FAM135B: variants seen among roughly 807,000 people sequenced by gnomAD.
FAM135B encodes protein FAM135B.
In FAM135B, 43 loss-of-function variants were observed where a neutral mutation model predicts 127.7. The ratio of observed to expected loss-of-function variants is 0.34; its 90% CI spans 0.26 to 0.43. The LOEUF (loss-of-function observed/expected upper bound fraction) is 0.43, where lower values mean the gene tolerates loss of function less well. FAM135B is among the 20% of genes least tolerant of loss of function. The pLI is 1.00. For synonymous variants in FAM135B, 670 were observed against 665.1 expected (o/e 1.01, Z -0.11); for missense variants, 1,558 against 1,725.6 (o/e 0.90, Z 1.72).
intron 1 of FAM135B, among the ~76,000 whole-genome samples, chr8:138,464,600 A>G (rs989975506): frequency 6.6e-6 from 1 of 152,238 alleles, no homozygotes; most frequent in African/African-American, 2.4e-5. Context: ...GGAGGAAGAC[A>G]GGAGGTTTGC....
chr8:138,433,234 A>G (rs1835288600), intron 1 of FAM135B, among the ~76,000 whole-genome samples: 1 of 152,154 alleles, frequency 6.6e-6, no homozygotes, highest in African/African-American at 2.4e-5. Context: ...TAAAAAGATT[A>G]TTAAGGCCGG....
chr8:138,345,416 G>T (rs1829343498), intron 2 of FAM135B, among the ~76,000 whole-genome samples: 1 of 152,178 alleles, frequency 6.6e-6, no homozygotes, highest in African/African-American at 2.4e-5. Flanking sequence ...AGTGCTTGTA[G>T]CAGCAGCAGG....
At chr8:138,455,704 T>C (rs897854234) in intron 1 of FAM135B, among the ~76,000 whole-genome samples, 2 of 152,074 alleles carry the variant, frequency 1.3e-5, no homozygotes, top group Non-Finnish European at 2.9e-5. Context: ...GATGGGTAGG[T>C]GGGTATGTGG....
At chr8:138,348,127 CTTTTTTTTTTTTT>C (rs58289442) in intron 2 of FAM135B, among the ~76,000 whole-genome samples, 5 of 52,840 alleles carry the variant, frequency 9.5e-5, no homozygotes, top group African/African-American at 3.3e-4. Flanking sequence ...TTTTCCTCCT[CTTTTTTTTTTTTT>C]TTTTTTTTTT....
At chr8:138,259,426 A>G (rs1822371578) in intron 4 of FAM135B, among the ~76,000 whole-genome samples, 1 of 152,214 alleles carries the variant, frequency 6.6e-6, no homozygotes, top group Admixed American at 6.5e-5. Flanking sequence ...AAATGGGAGT[A>G]AAATAATTAC....
At chr8:138,459,237 T>G (rs2131611369) in intron 1 of FAM135B, 1 of 152,294 alleles carries the variant, frequency 6.6e-6, no homozygotes, top group East Asian at 1.9e-4. Flanking sequence ...GTGTCAGTTC[T>G]CGGGCAGTAA....
At chr8:138,245,040 C>T (rs1233435248) in intron 6 of FAM135B, among the ~76,000 whole-genome samples, 1 of 152,078 alleles carries the variant, frequency 6.6e-6, no homozygotes, top group Non-Finnish European at 1.5e-5. Context: ...CCTTTGTTTC[C>T]AGCTGCTGTG....
chr8:138,237,796 C>T (rs1003991581), intron 7 of FAM135B, among the ~76,000 whole-genome samples: 2 of 152,150 alleles, frequency 1.3e-5, no homozygotes. Context: ...GCCTGCCAGC[C>T]TACCCTGTAG....
At chr8:138,495,394 G>A (rs1350071249) in intron 1 of FAM135B, among the ~76,000 whole-genome samples, 1 of 152,168 alleles carries the variant, frequency 6.6e-6, no homozygotes, top group Admixed American at 6.5e-5. Context: ...ATCTGTCTAA[G>A]CTCTGATAAC....
At chr8:138,213,931 T>C (rs1818343457) in intron 7 of FAM135B, among the ~76,000 whole-genome samples, 1 of 133,716 alleles carries the variant, frequency 7.5e-6, no homozygotes, top group African/African-American at 2.8e-5. Flanking sequence ...GGACTCAACA[T>C]AACTTTTGGT....
intron 1 of FAM135B, among the ~76,000 whole-genome samples, chr8:138,470,546 T>G (rs1307452441): frequency 6.6e-6 from 1 of 152,234 alleles, no homozygotes; most frequent in African/African-American, 2.4e-5. Flanking sequence ...AAGCTTTTAC[T>G]TGATTTCTAT....
chr8:138,297,690 G>C (rs1343166194), intron 3 of FAM135B, among the ~76,000 whole-genome samples: 1 of 152,292 alleles, frequency 6.6e-6, no homozygotes, highest in African/African-American at 2.4e-5. Flanking sequence ...AGGATAGTGA[G>C]GATGCTGAGC....
chr8:138,337,785 G>C (rs1213647038), intron 2 of FAM135B, among the ~76,000 whole-genome samples: 1 of 152,164 alleles, frequency 6.6e-6, no homozygotes, highest in African/African-American at 2.4e-5. Context: ...AATCAAAAAA[G>C]AGCCCGCATT....
chr8:138,194,596 G>A (rs1816457470), intron 9 of FAM135B, among the ~76,000 whole-genome samples: 1 of 152,210 alleles, frequency 6.6e-6, no homozygotes. Flanking sequence ...AGAGGTGTCA[G>A]TTTGGGGGAT....
intron 2 of FAM135B, among the ~76,000 whole-genome samples, chr8:138,331,088 T>C (rs902224930): frequency 2.0e-5 from 3 of 152,142 alleles, no homozygotes; most frequent in African/African-American, 7.2e-5. Context: ...GTGATCCACC[T>C]GCCTTGGCCT....
chr8:138,490,749 G>A (rs1815160063), intron 1 of FAM135B, among the ~76,000 whole-genome samples: 1 of 152,118 alleles, frequency 6.6e-6, no homozygotes, highest in Non-Finnish European at 1.5e-5. Flanking sequence ...AAGACTGTAA[G>A]TTGCAGTTAT....
At chr8:138,197,131 T>C (rs969632632) in intron 8 of FAM135B, among the ~76,000 whole-genome samples, 1 of 151,320 alleles carries the variant, frequency 6.6e-6, no homozygotes, top group East Asian at 2.0e-4. Context: ...ATATATAGTT[T>C]TTATGAGGAT....
chr8:138,150,571 G>A (rs980992322), intron 13 of FAM135B, among the ~76,000 whole-genome samples: 1 of 152,114 alleles, frequency 6.6e-6, no homozygotes, highest in Non-Finnish European at 1.5e-5. Flanking sequence ...GGGATGCTGA[G>A]GCAGGAGAAT....
chr8:138,177,521 TA>T, intron 10 of FAM135B, 101 bp from the exon 11 acceptor site: 1 of 1,071,458 alleles, frequency 9.3e-7, no homozygotes. Flanking sequence ...TGATATTTCC[TA>T]ATAGGAAGAG....
Sources: gnomAD v4.1 joint callset for allele counts (sites outside exome capture counted in the v4.1 genomes callset) on GRCh38, gnomAD v4.1.1 for gene constraint, MANE v1.5 for transcripts, NCBI Gene and HGNC (gene_info 2026-07-23, HGNC 2026-07-21) for gene names.